The following CNOT2 variants were observed in gnomAD, a reference collection of about 807,000 sequenced individuals.
CNOT2 encodes the protein CCR4-NOT transcription complex subunit 2.
In CNOT2, 7 loss-of-function variants were observed where a neutral mutation model predicts 72.1. That is an observed-to-expected ratio of 0.10 (90% confidence interval 0.06 to 0.18). CNOT2 has a LOEUF of 0.18. Ranked by LOEUF, CNOT2 falls within the 10% of genes least tolerant of loss-of-function variation. The pLI is 1.00. For synonymous variants in CNOT2, 196 were observed against 225.6 expected, an observed-to-expected ratio of 0.87 and a Z score of 1.17; for missense variants, 345 against 660.3, an observed-to-expected ratio of 0.52 and a Z score of 5.23.
intron 1 of CNOT2, among the ~76,000 whole-genome samples, chr12:70,267,270 T>C (rs1009665522): frequency 2.6e-5 from 4 of 152,182 alleles, no homozygotes; most frequent in Admixed American, 6.5e-5. Context: ...CCGTAAATCC[T>C]TTGAAGGGTA....
intron 1 of CNOT2, among the ~76,000 whole-genome samples, chr12:70,253,062 G>C (rs1459983425): frequency 6.6e-6 from 1 of 152,204 alleles, no homozygotes; most frequent in African/African-American, 2.4e-5. Context: ...GACCTTCTGT[G>C]AAGTAAGATG....
intron 2 of CNOT2, among the ~76,000 whole-genome samples, chr12:70,292,826 C>T (rs1323375692): frequency 6.6e-6 from 1 of 152,162 alleles, no homozygotes; most frequent in African/African-American, 2.4e-5. Context: ...TAGATGCTAA[C>T]TCAGTGATTA....
chr12:70,326,766 ATTC>A (rs1163281411), intron 4 of CNOT2, among the ~76,000 whole-genome samples: 1 of 151,882 alleles, frequency 6.6e-6, no homozygotes, highest in Non-Finnish European at 1.5e-5. Context: ...GAAGTGATAT[ATTC>A]TTTTTTGATC....
chr12:70,309,276 C>T (rs1265274726), intron 2 of CNOT2, among the ~76,000 whole-genome samples: 3 of 152,090 alleles, frequency 2.0e-5, no homozygotes, highest in African/African-American at 7.2e-5. Context: ...TAAAAAATAT[C>T]TTTGTATATT....
At chr12:70,341,951 C>T (rs951372996) in intron 11 of CNOT2, 156 bp from the exon 12 acceptor site, 22 of 642,462 alleles carry the variant, frequency 3.4e-5, no homozygotes, top group African/African-American at 3.3e-4. Context: ...CAAACACACA[C>T]AGTCTTCATT....
intron 5 of CNOT2, among the ~76,000 whole-genome samples, chr12:70,329,863 T>C (rs1879665659): frequency 6.6e-6 from 1 of 151,988 alleles, no homozygotes; most frequent in Non-Finnish European, 1.5e-5. Context: ...ATGTGCAATT[T>C]AAAATTCCTC....
At chr12:70,313,088 G>A (rs1180482891) in intron 3 of CNOT2, among the ~76,000 whole-genome samples, 1 of 151,908 alleles carries the variant, frequency 6.6e-6, no homozygotes, top group African/African-American at 2.4e-5. Flanking sequence ...TTAAGTCTTT[G>A]CTAATAGACA....
chr12:70,249,086 C>T (rs1273834788), intron 1 of CNOT2, among the ~76,000 whole-genome samples: 1 of 151,924 alleles, frequency 6.6e-6, no homozygotes, highest in Non-Finnish European at 1.5e-5. Context: ...AGCATCTGGA[C>T]AAAATGTAAT....
intron 1 of CNOT2, among the ~76,000 whole-genome samples, chr12:70,255,538 G>A (rs1208212345): frequency 1.3e-5 from 2 of 152,066 alleles, no homozygotes. Flanking sequence ...AGCAAGGAAA[G>A]TGAATCACAG....
intron 3 of CNOT2, among the ~76,000 whole-genome samples, chr12:70,316,882 T>C (rs958742604): frequency 6.6e-6 from 1 of 152,128 alleles, no homozygotes; most frequent in Non-Finnish European, 1.5e-5. Flanking sequence ...ATAATCAGTG[T>C]GAGAAAGTAG....
intron 2 of CNOT2, among the ~76,000 whole-genome samples, chr12:70,288,508 T>G (rs1325769231): frequency 6.6e-6 from 1 of 152,134 alleles, no homozygotes; most frequent in Non-Finnish European, 1.5e-5. Flanking sequence ...AGCTTCTCCT[T>G]TAGGGATATA....
chr12:70,321,360 G>A (rs1053832695), intron 4 of CNOT2, among the ~76,000 whole-genome samples: 3 of 151,828 alleles, frequency 2.0e-5, no homozygotes, highest in Non-Finnish European at 4.4e-5. Context: ...ACCCGAGAAG[G>A]CCAAATAGGT....
At chr12:70,334,280 A>T (rs1020560919) in intron 7 of CNOT2, among the ~76,000 whole-genome samples, 4 of 152,138 alleles carry the variant, frequency 2.6e-5, no homozygotes, top group African/African-American at 9.6e-5. Context: ...TTCAGTGGTA[A>T]TTTTTTATTC....
chr12:70,303,309 C>T (rs1267419145), intron 2 of CNOT2, among the ~76,000 whole-genome samples: 6 of 152,208 alleles, frequency 3.9e-5, no homozygotes, highest in Admixed American at 3.3e-4. Context: ...TTCTTCCTAG[C>T]CTTGATGGTC....
Position 70,289,013 on chromosome 12 carries a change from C to CT in CNOT2, c.48+10748dup, listed in dbSNP as rs1051854785. 7.3e-5 allele frequency among the ~76,000 whole-genome samples: 11 copies of CT among 150,746 alleles called. No individual in the cohort carries two copies. The South Asian group carries it at 1.1e-3, about 14-fold the overall frequency. On this transcript the variant is annotated intron_variant, in intron 2 of 15. Coordinates refer to ENST00000229195, the MANE Select transcript of CNOT2 (RefSeq NM_014515.7). ...CTTATCCCTTTCTTCTCTCCTTTCGCTTTTTTTTTATTCCCTCCCTTGCCC... is the reference window on the plus strand; with the variant it reads ...CTTATCCCTTTCTTCTCTCCTTTCGCTTTTTTTTTTATTCCCTCCCTTGCCC...
At chr12:70,337,844 T>C in intron 9 of CNOT2, 1 of 446,644 alleles carries the variant, frequency 2.2e-6, no homozygotes, top group South Asian at 1.7e-5. Context: ...TTGAAGAATT[T>C]ATACACATTT....
At chr12:70,283,647 TAAAAAAAAAAAA>T (rs34501610) in intron 2 of CNOT2, among the ~76,000 whole-genome samples, 1 of 122,908 alleles carries the variant, frequency 8.1e-6, no homozygotes, top group Non-Finnish European at 1.7e-5. Flanking sequence ...AGAATGAGTT[TAAAAAAAAAAAA>T]AAAAAAAAGG....
chr12:70,331,397 C>A (rs1879917810), intron 6 of CNOT2: 1 of 151,808 alleles, frequency 6.6e-6, no homozygotes, highest in Non-Finnish European at 1.5e-5. Flanking sequence ...ATTCTCATCT[C>A]CTTGATACCT....
chr12:70,265,273 T>TTCTTCTCTTCTCTTCTCTTCTCTTC (rs1555188161), intron 1 of CNOT2, among the ~76,000 whole-genome samples: 1,370 of 125,438 alleles, frequency 0.011, 19 homozygotes, highest in Non-Finnish European at 0.017. Context: ...TTCGTTTTGT[T>TTCTTCTCTTCTCTTCTCTTCTCTTC]TCTTCTCTTC....
Sources: gnomAD v4.1 joint callset for allele counts (sites outside exome capture counted in the v4.1 genomes callset) on GRCh38, gnomAD v4.1.1 for gene constraint, MANE v1.5 for transcripts, NCBI Gene and HGNC (gene_info 2026-07-23, HGNC 2026-07-21) for gene names.